CAPS2: variants seen among roughly 807,000 people sequenced by gnomAD.
CAPS2 encodes calcyphosin-2.
A neutral mutation model predicts 86.5 loss-of-function variants in CAPS2; 98 were observed. That is an observed-to-expected ratio of 1.13 (90% confidence interval 0.96 to 1.34). CAPS2 has a LOEUF of 1.34. Among genes scored for constraint, CAPS2 ranks in the 40% most tolerant of loss-of-function variants. The pLI, the probability that CAPS2 is intolerant of heterozygous loss-of-function variation, is 0.00. For synonymous variants in CAPS2, 210 were observed against 225.1 expected, an observed-to-expected ratio of 0.93 and a Z score of 0.60; for missense variants, 729 against 686.8, an observed-to-expected ratio of 1.06 and a Z score of -0.69.
chr12:75,316,130 C>T (rs979311935), intron 6 of CAPS2, among the ~76,000 whole-genome samples, 182 bp downstream of exon 6: 1 of 152,074 alleles, frequency 6.6e-6, no homozygotes, highest in African/African-American at 2.4e-5. Context: ...AATTTTTTTA[C>T]AGAATATATA....
At chr12:75,362,319 C>A (rs1340570887) in intron 1 of CAPS2, among the ~76,000 whole-genome samples, 3 of 152,102 alleles carry the variant, frequency 2.0e-5, no homozygotes, top group African/African-American at 7.2e-5. Context: ...TACCACTACA[C>A]CATTATTAGA....
At chr12:75,276,895 A>G (rs1565735887), downstream of CAPS2, 2 of 983,648 alleles carry the variant, frequency 2.0e-6, no homozygotes, top group Non-Finnish European at 2.4e-6. Context: ...AAGACTATTA[A>G]GCATAGGATT....
At chr12:75,370,319 CA>C (rs1235193207) in intron 1 of CAPS2, 6 of 551,508 alleles carry the variant, frequency 1.1e-5, no homozygotes, top group Non-Finnish European at 1.9e-5. Context: ...GTTTTTAACT[CA>C]AAAAATGTAC....
exon 1 of CAPS2, chr12:75,326,488 T>A: frequency 6.5e-7 from 1 of 1,541,550 alleles, no homozygotes; most frequent in African/African-American, 1.4e-5. Context: ...TCCTTTAACC[T>A]CTAAATCCAT....
chr12:75,364,712 T>C (rs2043848382), intron 1 of CAPS2: 1 of 152,216 alleles, frequency 6.6e-6, no homozygotes. Context: ...ACACAGAACA[T>C]AAGCATTATT....
chr12:75,285,779 T>C (rs1177687780), intron 14 of CAPS2, among the ~76,000 whole-genome samples: 2 of 151,984 alleles, frequency 1.3e-5, no homozygotes, highest in Admixed American at 6.6e-5. Context: ...ATGTATTATA[T>C]CTGTGTTAAT....
exon 17 of CAPS2, chr12:75,277,840 C>T: frequency 1.1e-6 from 1 of 905,408 alleles, no homozygotes. Flanking sequence ...TCTCTTTTCT[C>T]TGTATTCCCA....
chr12:75,304,040 C>G (rs2038144114), intron 8 of CAPS2, among the ~76,000 whole-genome samples: 1 of 152,122 alleles, frequency 6.6e-6, no homozygotes, highest in Non-Finnish European at 1.5e-5. Context: ...CATCTGAACT[C>G]CAGAACAATT....
At chr12:75,289,016 T>C (rs3924594) in intron 14 of CAPS2, among the ~76,000 whole-genome samples, 91,012 of 151,912 alleles carry the variant, frequency 0.6, 27,473 homozygotes, top group South Asian at 0.75. Context: ...ACCCAGTATG[T>C]GAAGATCTAG....
At chr12:75,326,186 T>C (rs1292733524) in intron 1 of CAPS2, among the ~76,000 whole-genome samples, 3 of 152,094 alleles carry the variant, frequency 2.0e-5, no homozygotes, top group African/African-American at 4.8e-5. Context: ...ACAAATATTC[T>C]TAAATAACAA....
At chr12:75,291,620 T>A (rs1461885148) in intron 13 of CAPS2, 124 bp downstream of exon 13, 3 of 134,066 alleles carry the variant, frequency 2.2e-5, no homozygotes, top group East Asian at 4.2e-4. Context: ...TATTCTTTTT[T>A]AAATAAGCAA....
At chr12:75,277,391 G>A (rs2033119360) in exon 17 of CAPS2, 1 of 975,748 alleles carries the variant, frequency 1.0e-6, no homozygotes, top group South Asian at 4.7e-5. Flanking sequence ...ACAATTTGTA[G>A]GGTTTAAGAT....
In CAPS2 at chr12:75,317,894, A is replaced by G. The variant is rs76382334; in HGVS notation, c.469-1460T>C. ...AAATTTCTAGGAAAAAAAATACAGT[A>G]CAGTATGATTAACTATAATCACCAC... is the stretch of plus-strand genomic sequence containing the variant. On this transcript the variant is annotated intron_variant, in intron 5 of 16. Transcript: ENST00000393284. Among the ~76,000 whole-genome samples, 15 of 152,248 alleles carry G rather than the reference A, an allele frequency of 9.9e-5. No homozygotes were observed. The East Asian group carries it at 2.7e-3, about 27-fold the overall frequency.
chr12:75,321,013 A>G (rs981335644), intron 5 of CAPS2, among the ~76,000 whole-genome samples: 2 of 152,066 alleles, frequency 1.3e-5, no homozygotes, highest in African/African-American at 2.4e-5. Context: ...CAGGATCACC[A>G]TAAAGTCTCA....
chr12:75,311,477 T>A (rs987030737), intron 7 of CAPS2, among the ~76,000 whole-genome samples: 1 of 151,670 alleles, frequency 6.6e-6, no homozygotes, highest in African/African-American at 2.4e-5. Flanking sequence ...GACACCCAGA[T>A]TGGAGAAAGT....
chr12:75,352,538 C>A (rs938448008), intron 1 of CAPS2, among the ~76,000 whole-genome samples: 14 of 152,136 alleles, frequency 9.2e-5, no homozygotes, highest in African/African-American at 3.4e-4. Context: ...ACTTAGACTC[C>A]CACACAATAA....
rs2037533275 is a variant in CAPS2, at chr12:75,299,954, A to G, written c.780-43T>C. On this transcript the variant is annotated intron_variant, in intron 8 of 16. Transcript: ENST00000393284. ...TTGTCAGTAATTTTTCAAGATACCT[A>G]TAACTTGATGGAAATTGTAAATGTA... is the stretch of plus-strand genomic sequence containing the variant. 4 of 781,656 alleles carry G rather than the reference A, an allele frequency of 5.1e-6. No homozygotes were observed. The African/African-American group carries it at 5.4e-5, about 11-fold the overall frequency. The allele number at this position is 781,656 out of a possible 1,614,324, so 48.4% of individuals were successfully genotyped here.
chr12:75,319,327 C>A lies in CAPS2; in HGVS notation c.468+2073G>T, dbSNP rs562467207. Among the ~76,000 whole-genome samples, 7 of 152,076 alleles carry A rather than the reference C, an allele frequency of 4.6e-5. No individual in the cohort carries two copies. In the South Asian group the frequency reaches 1.0e-3, roughly 22 times the overall value. On this transcript the variant is annotated intron_variant, in intron 5 of 16. Coordinates refer to ENST00000393284, the Ensembl canonical transcript of CAPS2. ...TCTCTCGTGAATAGATCAGTGTTGT[C>A]CCCTTGGAGGCGAGTGAGTTTTCAT...
chr12:75,316,782 G>A (rs1248559268), intron 5 of CAPS2, among the ~76,000 whole-genome samples: 1 of 152,042 alleles, frequency 6.6e-6, no homozygotes, highest in Non-Finnish European at 1.5e-5. Context: ...AATTATTATT[G>A]TCCAATTTGA....
Sources: gnomAD v4.1 joint callset for allele counts (sites outside exome capture counted in the v4.1 genomes callset) on GRCh38, gnomAD v4.1.1 for gene constraint, MANE v1.5 for transcripts, NCBI Gene and HGNC (gene_info 2026-07-23, HGNC 2026-07-21) for gene names.